The following MMS19 variants were observed in gnomAD, a reference collection of about 807,000 sequenced individuals.
The protein encoded by MMS19 is MMS19 cytosolic iron-sulfur assembly component.
A neutral mutation model predicts 129.8 loss-of-function variants in MMS19; 77 were observed. The ratio of observed to expected loss-of-function variants is 0.59; its 90% CI spans 0.49 to 0.72. MMS19 has a LOEUF of 0.72. Ranked by LOEUF, MMS19 falls within the 30% of genes least tolerant of loss-of-function variation. The probability of loss-of-function intolerance (pLI) is 0.00; values close to 1 mark genes in which losing one functional copy is unlikely to be tolerated. For missense variants in MMS19, 1,168 were observed against 1,266.3 expected, an observed-to-expected ratio of 0.92 and a Z score of 1.18; for synonymous variants, 491 against 502.8, an observed-to-expected ratio of 0.98 and a Z score of 0.31.
intron 17 of MMS19, 38 bp from the exon 18 acceptor site, chr10:97,465,992 T>C (rs756814538): frequency 1.2e-6 from 2 of 1,612,768 alleles, no homozygotes; most frequent in South Asian, 1.1e-5. Context: ...TACTGTGTGA[T>C]AGGAAGCACG....
At chr10:97,480,285 G>C in intron 3 of MMS19, 1 of 463,664 alleles carries the variant, frequency 2.2e-6, no homozygotes, top group Non-Finnish European at 4.4e-6. Context: ...CTTGGCTTTG[G>C]AGCCCCGCTC....
rs964594187 is a variant in MMS19 at position 97,470,840 on chromosome 10, T to C, written c.706A>G (p.Ile236Val). The C allele has an allele frequency of 1.9e-6, 3 of 1,613,696 alleles. No homozygotes were observed. The African/African-American group carries it at 4.0e-5, about 22-fold the overall frequency. Residue 236 changes from isoleucine (I) to valine (V), a missense_variant, in exon 9 of 31, where the codon ATC (isoleucine) becomes GTC (valine). By Grantham distance (29) the Ile-to-Val change is conservative. This residue lies in a region of MMS19 where 329 missense variants were observed against 328.6 expected (regional missense o/e 1.00). Coordinates refer to ENST00000438925, the MANE Select transcript of MMS19 (RefSeq NM_022362.5). ...CTCAGGATGAGGTCTTCTCTCTGGA[T>C]ACCATGGGGATCATTAGGTGGCTGG... ...FTPPPNDPHG[I>V]QREDLILSLR...
At chr10:97,472,273 C>T (rs113641515) in intron 8 of MMS19, among the ~76,000 whole-genome samples, 2,193 of 152,352 alleles carry the variant, frequency 0.014, 29 homozygotes, top group Non-Finnish European at 0.023. Context: ...GAGTTTTGCT[C>T]TTGTTACACA....
chr10:97,473,876 C>T (rs570945865), intron 8 of MMS19, among the ~76,000 whole-genome samples: 103 of 152,040 alleles, frequency 6.8e-4, no homozygotes, highest in Non-Finnish European at 4.9e-4. Context: ...GGCATGGTGG[C>T]TTATGCCTGT....
At chr10:97,470,979 T>C (rs2034570077) in intron 8 of MMS19, 118 bp from the exon 9 acceptor site, 1 of 632,170 alleles carries the variant, frequency 1.6e-6, no homozygotes, top group Admixed American at 3.4e-5. Flanking sequence ...GGGAAGATAG[T>C]AAGATAATGA....
chr10:97,462,674 G>T lies in MMS19; in HGVS notation c.1921C>A (p.Pro641Thr). The T allele has an allele frequency of 6.2e-7, 1 of 1,613,250 alleles. No individual in the cohort carries two copies. The highest frequency in any genetic ancestry group is 1.3e-5 in the African/African-American group (1 of 74,994). Residue 641 changes from proline to threonine, a missense_variant, in exon 20 of 31, where the codon CCC becomes ACC. Physicochemically the swap from Pro to Thr is conservative, Grantham distance 38 (BLOSUM62 -1). This residue lies in a region of MMS19 where 831 missense variants were observed against 910.8 expected (regional missense o/e 0.91). Transcript: ENST00000438925. ...AVQASMPEKE[P>T]SVLRKVLLED... ...AATAGTACTTTTCTCAGAACTGAGGGCTCCTTCTCTGCAAAACACACACAC... is the reference window on the plus strand; with the variant it reads ...AATAGTACTTTTCTCAGAACTGAGGTCTCCTTCTCTGCAAAACACACACAC...
chr10:97,491,743 T>C (rs1391360791), intron 1 of MMS19, among the ~76,000 whole-genome samples: 2 of 152,274 alleles, frequency 1.3e-5, no homozygotes, highest in Non-Finnish European at 2.9e-5. Flanking sequence ...GCCATTTGCA[T>C]GTGGTTCCTT....
At chr10:97,484,216 A>T in intron 1 of MMS19, 65 bp from the exon 2 acceptor site, 1 of 1,111,524 alleles carries the variant, frequency 9.0e-7, no homozygotes, top group Non-Finnish European at 1.3e-6. Flanking sequence ...GTTGAATAAC[A>T]CTAATTATAA....
intron 8 of MMS19, among the ~76,000 whole-genome samples, chr10:97,475,271 T>A (rs180800171): frequency 7.0e-4 from 107 of 152,086 alleles, no homozygotes; most frequent in Non-Finnish European, 1.3e-3. Context: ...AGGGGGGTGG[T>A]GGTAAAAGCA....
intron 1 of MMS19, among the ~76,000 whole-genome samples, chr10:97,495,124 C>T (rs957793574): frequency 6.6e-6 from 1 of 152,162 alleles, no homozygotes; most frequent in Non-Finnish European, 1.5e-5. Flanking sequence ...ACTCTCAGGT[C>T]TAACTTCGAT....
At position 97,467,047 on chromosome 10, in the gene MMS19, C is replaced by T. The variant is rs570182309; in HGVS notation, c.1298-146G>A. 3.9e-4 allele frequency: 326 copies of T among 830,198 alleles called. 2 individuals carry two copies. The African/African-American group carries it at 5.2e-3, about 13-fold the overall frequency. 51.4% of individuals were successfully genotyped at this position (830,198 alleles called of 1,614,324 possible). Reference sequence around the variant, plus strand: ...AGGCTGGAGTGCAGTGGCGTAATCTCGGATCACTGCAGCCTCTGCCTCCCA... The same window carrying T: ...AGGCTGGAGTGCAGTGGCGTAATCTTGGATCACTGCAGCCTCTGCCTCCCA... On this transcript the variant is annotated intron_variant, in intron 14 of 30. Coordinates refer to ENST00000438925, the MANE Select transcript of MMS19 (RefSeq NM_022362.5).
At chr10:97,467,680 A>G (rs953998070) in intron 13 of MMS19, 97 bp from the exon 14 acceptor site, 12 of 1,185,982 alleles carry the variant, frequency 1.0e-5, no homozygotes, top group Non-Finnish European at 1.5e-5. Flanking sequence ...TTCTTCCAAG[A>G]GATGGGGGTT....
intron 6 of MMS19, 81 bp downstream of exon 6, chr10:97,477,266 C>A: frequency 1.2e-6 from 2 of 1,609,762 alleles, no homozygotes; most frequent in South Asian, 1.1e-5. Flanking sequence ...TATATAACCC[C>A]AGGTAAAATG....
At chr10:97,484,266 C>T (rs1223085969) in intron 1 of MMS19, 115 bp from the exon 2 acceptor site, 2 of 620,854 alleles carry the variant, frequency 3.2e-6, no homozygotes, top group South Asian at 2.7e-5. Flanking sequence ...TGGGGGCCCA[C>T]TATATTTGCC....
intron 18 of MMS19, among the ~76,000 whole-genome samples, chr10:97,464,595 G>A (rs2032943961): frequency 6.6e-6 from 1 of 152,040 alleles, no homozygotes; most frequent in Non-Finnish European, 1.5e-5. Context: ...GCTCCCAGAT[G>A]TCACCCATGC....
At chr10:97,484,257 G>A in intron 1 of MMS19, 106 bp from the exon 2 acceptor site, 1 of 701,742 alleles carries the variant, frequency 1.4e-6, no homozygotes, top group Non-Finnish European at 2.3e-6. Flanking sequence ...CTTTGTACCT[G>A]GGGGCCCACT....
intron 29 of MMS19, 117 bp downstream of exon 29, chr10:97,459,106 G>A: frequency 1.9e-6 from 2 of 1,076,524 alleles, no homozygotes; most frequent in Non-Finnish European, 2.7e-6. Context: ...TCTGTACCTT[G>A]TAATTCAGAT....
chr10:97,481,138 TG>T lies in MMS19; in HGVS notation c.162-97del, dbSNP rs1350538492. On this transcript the variant is annotated intron_variant, in intron 2 of 30. Transcript: ENST00000438925. ...ATTAGTCACACTCACCCCCTGGGCA[TG>T]GAAGCAGAGCCAAGCCCTGTTAAGA... The T allele has an allele frequency of 7.4e-6, 6 of 814,410 alleles. No homozygotes were observed. The African/African-American group carries it at 1.0e-4, about 14-fold the overall frequency. The allele number at this position is 814,410 out of a possible 1,614,324, so 50.4% of individuals were successfully genotyped here.
At chr10:97,472,006 C>T (rs1225220249) in intron 8 of MMS19, among the ~76,000 whole-genome samples, 3 of 152,082 alleles carry the variant, frequency 2.0e-5, no homozygotes, top group Non-Finnish European at 4.4e-5. Flanking sequence ...TTAAAGAATT[C>T]AAGAAAAATT....
Sources: gnomAD v4.1 joint callset for allele counts (sites outside exome capture counted in the v4.1 genomes callset) on GRCh38, gnomAD v4.1.1 for gene constraint, gnomAD v4.1.1 regional missense constraint, MANE v1.5 for transcripts, NCBI Gene and HGNC (gene_info 2026-07-23, HGNC 2026-07-21) for gene names.